The following CD34 variants were observed in gnomAD, a reference collection of about 807,000 sequenced individuals.
CD34 encodes the protein CD34 molecule.
A neutral mutation model predicts 40.1 loss-of-function variants in CD34; 34 were observed. The observed-to-expected ratio is 0.85, with a 90% CI of 0.65 to 1.13. The LOEUF (loss-of-function observed/expected upper bound fraction) is 1.13, where lower values mean the gene tolerates loss of function less well. Ranked by LOEUF, CD34 falls within the 50% of genes most tolerant of loss-of-function variation. The pLI, the probability that CD34 is intolerant of heterozygous loss-of-function variation, is 0.00. For synonymous variants in CD34, 209 were observed against 190.0 expected (o/e 1.10, Z -0.82); for missense variants, 426 against 466.9 (o/e 0.91, Z 0.81).
At chr1:207,910,138 C>T (rs1662475548) in intron 1 of CD34, among the ~76,000 whole-genome samples, 1 of 151,760 alleles carries the variant, frequency 6.6e-6, no homozygotes, top group African/African-American at 2.4e-5. Context: ...TTTTTTTTAA[C>T]CGAAGTGAGA....
chr1:207,897,726 A>G (rs1662178003), intron 3 of CD34, among the ~76,000 whole-genome samples, 153 bp from the exon 4 acceptor site: 1 of 152,258 alleles, frequency 6.6e-6, no homozygotes, highest in African/African-American at 2.4e-5. Context: ...TCAGGGGACT[A>G]GAGATTTCTA....
chr1:207,898,524 C>T (rs571106919), intron 3 of CD34, among the ~76,000 whole-genome samples: 9 of 152,332 alleles, frequency 5.9e-5, no homozygotes, highest in African/African-American at 1.9e-4. Flanking sequence ...CAATGCCCCC[C>T]TTTACTGCCT....
At chr1:207,899,542 C>CT (rs1662230651) in intron 2 of CD34, among the ~76,000 whole-genome samples, 1 of 152,106 alleles carries the variant, frequency 6.6e-6, no homozygotes, top group Non-Finnish European at 1.5e-5. Context: ...TCTTCTGATC[C>CT]TTATTTTATC....
chr1:207,894,886 C>G, intron 4 of CD34, among the ~76,000 whole-genome samples: 1 of 152,070 alleles, frequency 6.6e-6, no homozygotes, highest in South Asian at 2.1e-4. Flanking sequence ...ACAGAATCCA[C>G]ATAGGGTGAG....
intron 1 of CD34, among the ~76,000 whole-genome samples, chr1:207,901,721 G>A (rs1662274569): frequency 6.6e-6 from 1 of 152,184 alleles, no homozygotes; most frequent in African/African-American, 2.4e-5. Context: ...TAGTTGGCCT[G>A]ACTTACAACC....
chr1:207,898,507 C>A (rs767497576), intron 3 of CD34, among the ~76,000 whole-genome samples: 34 of 152,226 alleles, frequency 2.2e-4, no homozygotes, highest in Non-Finnish European at 1.0e-4. Context: ...CCAGTTCCTG[C>A]CATTGCCAAT....
chr1:207,906,698 G>T (rs2102306843), intron 1 of CD34, among the ~76,000 whole-genome samples: 1 of 152,174 alleles, frequency 6.6e-6, no homozygotes, highest in East Asian at 1.9e-4. Flanking sequence ...TACAAAATTA[G>T]CTGGGCATGG....
At chr1:207,905,737 T>C (rs1662363483) in intron 1 of CD34, among the ~76,000 whole-genome samples, 1 of 152,206 alleles carries the variant, frequency 6.6e-6, no homozygotes, top group Admixed American at 6.5e-5. Flanking sequence ...ACACCTGACC[T>C]CATGTGACAG....
chr1:207,891,176 C>T (rs1357015245), intron 4 of CD34, among the ~76,000 whole-genome samples: 1 of 152,184 alleles, frequency 6.6e-6, no homozygotes, highest in East Asian at 1.9e-4. Context: ...CTAGCCAAAC[C>T]AAATGGCACC....
chr1:207,887,896 C>G lies in CD34; in HGVS notation c.1000G>C (p.Gly334Arg), dbSNP rs750812013. The change falls in exon 8 of 8, where the codon GGT (glycine) becomes CGT (arginine). Residue 334 changes from glycine (G) to arginine (R), a missense_variant. By Grantham distance (125) the Gly-to-Arg change is moderately radical (BLOSUM62 -2). Transcript: ENST00000310833. ...LGEDPYYTEN[G>R]GGQGYSSGPG... is the part of the protein sequence containing the mutation. ...CCTGAGCTATAGCCCTGGCCTCCAC[C>G]GTTTTCCGTGTAATAAGGGTCTTCG... is the stretch of plus-strand genomic sequence containing the variant. 6.2e-7 allele frequency: 1 copy of G among 1,614,038 alleles called. No individual in the cohort carries two copies. The highest frequency in any genetic ancestry group is 8.5e-7 in the Non-Finnish European group (1 of 1,179,996).
intron 4 of CD34, 110 bp downstream of exon 4, chr1:207,897,383 C>A: frequency 1.2e-6 from 1 of 802,302 alleles, no homozygotes; most frequent in Non-Finnish European, 2.1e-6. Context: ...CTAAACTCCC[C>A]GGACCCCTAC....
chr1:207,899,795 G>A, intron 2 of CD34, 26 bp downstream of exon 2: 1 of 1,592,986 alleles, frequency 6.3e-7, no homozygotes, highest in South Asian at 1.1e-5. Flanking sequence ...CATCTCTCCG[G>A]GATCTGACAC....
intron 7 of CD34, 79 bp from the exon 8 acceptor site, chr1:207,888,002 G>A: frequency 8.7e-7 from 1 of 1,152,432 alleles, no homozygotes; most frequent in Non-Finnish European, 1.2e-6. Flanking sequence ...GCCCAAACAG[G>A]AAGTGGGGGC....
intron 4 of CD34, among the ~76,000 whole-genome samples, chr1:207,896,664 G>A (rs1662154291): frequency 6.6e-6 from 1 of 151,986 alleles, no homozygotes; most frequent in Non-Finnish European, 1.5e-5. Flanking sequence ...AAGATGCTGA[G>A]AGATGCAAAA....
rs529868861 is a variant in CD34 at position 207,885,014 on chromosome 1, T to G, written c.*2724A>C. The G allele has an allele frequency of 6.6e-6, 1 of 152,382 alleles. No individual in the cohort carries two copies. The highest frequency in any genetic ancestry group is 1.9e-4 in the East Asian group (1 of 5,186). 9.4% of individuals were successfully genotyped at this position (152,382 alleles called of 1,614,324 possible). ...CTACAGATTCAGGACTTTGGAATTC[T>G]GGGTGATTGGGCAAGCCACCTCCCT... On this transcript the variant is annotated 3_prime_UTR_variant, in exon 8 of 8. Coordinates refer to ENST00000310833, the MANE Select transcript of CD34 (RefSeq NM_001025109.2).
chr1:207,899,195 C>G lies in CD34; in HGVS notation c.294G>C (p.Val98=). 6.2e-7 allele frequency: 1 copy of G among 1,614,170 alleles called. No homozygotes were observed. The change falls in exon 3 of 8, where the codon GTG becomes GTC. Residue 98 remains valine (V), a synonymous_variant. Transcript: ENST00000310833. ...ETTVKFTSTS[V]ITSVYGNTNS... Reference sequence around the variant, plus strand: ...TTGTGTTTCCATAAACTGAGGTTATCACAGAGGTAGATGTGAATTTGACTG... The same window carrying G: ...TTGTGTTTCCATAAACTGAGGTTATGACAGAGGTAGATGTGAATTTGACTG...
intron 4 of CD34, among the ~76,000 whole-genome samples, chr1:207,893,516 A>G (rs1374076565): frequency 6.6e-6 from 1 of 152,218 alleles, no homozygotes; most frequent in African/African-American, 2.4e-5. Context: ...GCAGCTAACG[A>G]AGGATGAGAA....
rs959571999 is a variant in CD34, at chr1:207,889,268, C to G, written c.755-55G>C. ...TAAAGAGAAACCAGCTTATCCTGCT[C>G]CACCCTCCCATGCTGTTCTAGAAGA... On this transcript the variant is annotated intron_variant, in intron 5 of 7. Coordinates refer to ENST00000310833, the MANE Select transcript of CD34 (RefSeq NM_001025109.2). The G allele has an allele frequency of 5.6e-6, 9 of 1,613,214 alleles. No homozygotes were observed. The African/African-American group carries it at 1.1e-4, about 19-fold the overall frequency.
At chr1:207,895,913 C>A (rs1423662913) in intron 4 of CD34, among the ~76,000 whole-genome samples, 1 of 152,130 alleles carries the variant, frequency 6.6e-6, no homozygotes, top group Non-Finnish European at 1.5e-5. Context: ...GTTACTTGTA[C>A]ATTGTATGTT....
Sources: allele counts gnomAD v4.1 joint callset (sites outside exome capture counted in the v4.1 genomes callset), GRCh38; gene constraint gnomAD v4.1.1; transcripts MANE v1.5; gene names NCBI Gene and HGNC (gene_info 2026-07-23, HGNC 2026-07-21).